MAN1A2: variants seen among roughly 807,000 people sequenced by gnomAD.
The protein encoded by MAN1A2 is mannosidase alpha class 1A member 2.
In MAN1A2, 26 loss-of-function variants were observed where a neutral mutation model predicts 75.7. The ratio of observed to expected loss-of-function variants is 0.34; its 90% CI spans 0.25 to 0.48. MAN1A2 has a LOEUF of 0.48. Among genes scored for constraint, MAN1A2 ranks in the 20% least tolerant of loss-of-function variants. The pLI is 0.99. For missense variants in MAN1A2, 562 were observed against 775.5 expected, an observed-to-expected ratio of 0.72 and a Z score of 3.27; for synonymous variants, 247 against 264.6, an observed-to-expected ratio of 0.93 and a Z score of 0.65.
chr1:117,474,991 AGATT>A (rs1248895060), intron 8 of MAN1A2, among the ~76,000 whole-genome samples: 1 of 151,908 alleles, frequency 6.6e-6, no homozygotes, highest in African/African-American at 2.4e-5. Flanking sequence ...AATTATTTTG[AGATT>A]GATCTATGTT....
At chr1:117,423,222 C>G (rs1648254735) in intron 5 of MAN1A2, among the ~76,000 whole-genome samples, 1 of 152,096 alleles carries the variant, frequency 6.6e-6, no homozygotes, top group Non-Finnish European at 1.5e-5. Context: ...TCTAGACATT[C>G]TGTTTTGTTC....
Position 117,466,441 on chromosome 1 carries a change from T to G in MAN1A2, c.1168+14T>G. 6.7e-7 allele frequency: 1 copy of G among 1,493,314 alleles called. No homozygotes were observed. The highest frequency in any genetic ancestry group is 9.2e-7 in the Non-Finnish European group (1 of 1,091,098). 92.5% of individuals were successfully genotyped at this position (1,493,314 alleles called of 1,614,324 possible). Reference sequence around the variant, plus strand: ...GCTGGGGTCAGTGTAAGTATTCTAGTATACCTGAGGCTTTCTTAAAAAATT... The same window carrying G: ...GCTGGGGTCAGTGTAAGTATTCTAGGATACCTGAGGCTTTCTTAAAAAATT... On this transcript the variant is annotated intron_variant, in intron 8 of 12. Coordinates refer to ENST00000356554, the MANE Select transcript of MAN1A2 (RefSeq NM_006699.5).
intron 8 of MAN1A2, 109 bp downstream of exon 8, chr1:117,466,536 T>C: frequency 1.6e-6 from 1 of 640,178 alleles, no homozygotes; most frequent in Non-Finnish European, 2.6e-6. Context: ...CCTCAGTGTC[T>C]AACCTTGTGG....
intron 5 of MAN1A2, among the ~76,000 whole-genome samples, chr1:117,428,107 CTCTCTA>C: frequency 6.6e-6 from 1 of 151,200 alleles, no homozygotes; most frequent in East Asian, 1.9e-4. Flanking sequence ...CTCTCTCTCT[CTCTCTA>C]TTTTTTTTTT....
chr1:117,404,540 C>T (rs1048027866), intron 2 of MAN1A2, among the ~76,000 whole-genome samples: 1 of 152,106 alleles, frequency 6.6e-6, no homozygotes, highest in Non-Finnish European at 1.5e-5. Context: ...GCTAGTTTCT[C>T]CATGCTGGCA....
chr1:117,376,385 A>G (rs1231764035), intron 1 of MAN1A2, among the ~76,000 whole-genome samples: 1 of 152,218 alleles, frequency 6.6e-6, no homozygotes, highest in East Asian at 1.9e-4. Context: ...GCATTAGGTG[A>G]TCACCCATGT....
intron 7 of MAN1A2, among the ~76,000 whole-genome samples, chr1:117,463,155 T>C (rs1159976826): frequency 6.6e-6 from 1 of 151,066 alleles, no homozygotes; most frequent in Non-Finnish European, 1.5e-5. Flanking sequence ...TTAATAAAAA[T>C]ATTAAAGACA....
At chr1:117,521,398 T>G (rs1402104370) in intron 12 of MAN1A2, among the ~76,000 whole-genome samples, 1 of 151,316 alleles carries the variant, frequency 6.6e-6, no homozygotes, top group Non-Finnish European at 1.5e-5. Flanking sequence ...GAAGAAGATG[T>G]AAAAGTGGTC....
intron 8 of MAN1A2, among the ~76,000 whole-genome samples, chr1:117,469,772 G>C (rs1650091120): frequency 6.6e-6 from 1 of 152,110 alleles, no homozygotes; most frequent in Non-Finnish European, 1.5e-5. Context: ...AACTCACTGA[G>C]ATACCACTTC....
At chr1:117,369,200 A>T (rs1652871636) in intron 1 of MAN1A2, among the ~76,000 whole-genome samples, 1 of 152,208 alleles carries the variant, frequency 6.6e-6, no homozygotes. Flanking sequence ...GGACTGTGTC[A>T]AGCAACTATT....
rs950795866 is a variant in MAN1A2, at chr1:117,528,095, A to T, written c.*5138A>T. ...TATATGCATCATTTTCAACTAAAGCATACCTCATCCTTAAACTTCCACTAT... is the reference window on the plus strand; with the variant it reads ...TATATGCATCATTTTCAACTAAAGCTTACCTCATCCTTAAACTTCCACTAT... On this transcript the variant is annotated 3_prime_UTR_variant, in exon 13 of 13. Transcript: ENST00000356554. 1 of 152,064 alleles carries T rather than the reference A, an allele frequency of 6.6e-6. No homozygotes were observed. The highest frequency in any genetic ancestry group is 1.5e-5 in the Non-Finnish European group (1 of 67,970). 9.4% of individuals were successfully genotyped at this position (152,064 alleles called of 1,614,324 possible).
intron 7 of MAN1A2, among the ~76,000 whole-genome samples, chr1:117,464,052 A>G (rs1209566853): frequency 2.0e-5 from 3 of 152,130 alleles, no homozygotes; most frequent in African/African-American, 7.2e-5. Flanking sequence ...AATCATAGGA[A>G]TTAACCTAAA....
At chr1:117,402,161 G>A (rs763409555) in intron 1 of MAN1A2, 25 bp from the exon 2 acceptor site, 23 of 1,592,246 alleles carry the variant, frequency 1.4e-5, no homozygotes, top group East Asian at 8.9e-5. Context: ...TCACTGTTAC[G>A]TTTTATTTCC....
At chr1:117,480,742 A>G (rs1480797638) in intron 8 of MAN1A2, among the ~76,000 whole-genome samples, 1 of 151,818 alleles carries the variant, frequency 6.6e-6, no homozygotes, top group Non-Finnish European at 1.5e-5. Context: ...TCTAGACTTA[A>G]TCATTACTGT....
At chr1:117,420,829 T>C (rs1243463877) in intron 5 of MAN1A2, among the ~76,000 whole-genome samples, 180 bp downstream of exon 5, 1 of 152,062 alleles carries the variant, frequency 6.6e-6, no homozygotes, top group African/African-American at 2.4e-5. Flanking sequence ...TTTGAGGCTC[T>C]CAATAAAACA....
Position 117,450,190 on chromosome 1 carries a change from C to T in MAN1A2, c.950+7865C>T, listed in dbSNP as rs770730344. Among the ~76,000 whole-genome samples, 15 of 152,152 alleles carry T rather than the reference C, an allele frequency of 9.9e-5. 1 individual carries two copies. Among genetic ancestry groups the T allele is most frequent in the Admixed American group, 5.9e-4 (9 of 15,272 alleles). ...AGGCTGAAGTGGTCTCAGATGGAAA[C>T]GAGGAACTTCTTGGGAAATGAAGCA... On this transcript the variant is annotated intron_variant, in intron 6 of 12. Coordinates refer to ENST00000356554, the MANE Select transcript of MAN1A2 (RefSeq NM_006699.5).
At chr1:117,438,517 G>A (rs1648923940) in intron 5 of MAN1A2, among the ~76,000 whole-genome samples, 1 of 152,130 alleles carries the variant, frequency 6.6e-6, no homozygotes, top group Non-Finnish European at 1.5e-5. Context: ...TAAATCTACA[G>A]TAATGTTCAG....
At chr1:117,513,607 A>G (rs971350879) in intron 12 of MAN1A2, among the ~76,000 whole-genome samples, 2 of 151,836 alleles carry the variant, frequency 1.3e-5, no homozygotes, top group Non-Finnish European at 1.5e-5. Context: ...ATCCCTTAAA[A>G]GTAATTTCAT....
At chr1:117,388,135 A>G (rs960215021) in intron 1 of MAN1A2, among the ~76,000 whole-genome samples, 15 of 152,108 alleles carry the variant, frequency 9.9e-5, no homozygotes, top group African/African-American at 3.1e-4. Flanking sequence ...TAGGCTGACC[A>G]CAGAAACAAG....
Sources: allele counts gnomAD v4.1 joint callset (sites outside exome capture counted in the v4.1 genomes callset), GRCh38; gene constraint gnomAD v4.1.1; transcripts MANE v1.5; gene names NCBI Gene and HGNC (gene_info 2026-07-23, HGNC 2026-07-21).